Variants in TECR observed in about 807,000 individuals in gnomAD.
The protein encoded by TECR is trans-2,3-enoyl-CoA reductase.
Under a neutral mutation model 50.6 loss-of-function variants are expected in TECR, and 19 were observed. That is an observed-to-expected ratio of 0.38 (90% confidence interval 0.26 to 0.55). TECR has a LOEUF of 0.55. Ranked by LOEUF, TECR falls within the 20% of genes least tolerant of loss-of-function variation. The pLI is 0.79. For synonymous variants in TECR, 168 were observed against 163.5 expected, an observed-to-expected ratio of 1.03 and a Z score of -0.21; for missense variants, 313 against 408.3, an observed-to-expected ratio of 0.77 and a Z score of 2.01.
rs539503764 is a variant in TECR, at chr19:14,565,803, C to T, written c.859C>T (p.Arg287Cys). The T allele has an allele frequency of 5.0e-6, 8 of 1,604,046 alleles. No homozygotes were observed. Among genetic ancestry groups the T allele is most frequent in the South Asian group, 3.3e-5 (3 of 89,944 alleles). Residue 287 changes from arginine to cysteine, a missense_variant, in exon 13 of 13, where the codon CGC becomes TGC. Transcript: ENST00000215567. The stretch of plus-strand genomic sequence containing the variant: ...GACCATCTGGGCCAAGGGCAAGCAC[C>T]GCAGCTACCTGAAGGAGTTCCGGGA... ...QMTIWAKGKH[R>C]SYLKEFRDYP...
In TECR at chr19:14,563,606, C is replaced by G; in HGVS notation, c.119-52C>G. ...GCTGGCACAGTGGCTGGGCAGCGGACCGGCTGAGCCCTGCCAGGCTGTGGG... is the reference window on the plus strand; with the variant it reads ...GCTGGCACAGTGGCTGGGCAGCGGAGCGGCTGAGCCCTGCCAGGCTGTGGG... On this transcript the variant is annotated intron_variant, in intron 3 of 12. Transcript: ENST00000215567. The surrounding 1 kb of genome is among the most constrained non-coding windows in gnomAD (Gnocchi z 5.3). 6.2e-7 allele frequency: 1 copy of G among 1,608,432 alleles called. No homozygotes were observed. Among genetic ancestry groups the G allele is most frequent in the Non-Finnish European group, 8.5e-7 (1 of 1,178,732 alleles).
intron 1 of TECR, among the ~76,000 whole-genome samples, chr19:14,561,674 T>C (rs1294380913): frequency 6.6e-6 from 1 of 152,114 alleles, no homozygotes; most frequent in Non-Finnish European, 1.5e-5. Flanking sequence ...GGAGACCTCA[T>C]CAGCCCAAGC....
intron 1 of TECR, among the ~76,000 whole-genome samples, chr19:14,556,831 G>T (rs1397059189): frequency 6.6e-6 from 1 of 152,190 alleles, no homozygotes; most frequent in Non-Finnish European, 1.5e-5. Flanking sequence ...GCCACAAGGG[G>T]GCAGTGGGGA....
intron 1 of TECR, among the ~76,000 whole-genome samples, chr19:14,542,227 AG>A (rs2073117761): frequency 1.3e-5 from 2 of 152,012 alleles, no homozygotes; most frequent in African/African-American, 4.8e-5. Context: ...GACCTCCCAA[AG>A]TGCAGGGATT....
intron 1 of TECR, among the ~76,000 whole-genome samples, chr19:14,537,203 T>C (rs990737666): frequency 4.8e-5 from 2 of 41,350 alleles, no homozygotes; most frequent in African/African-American, 9.7e-5. Flanking sequence ...GGGGAGGAGG[T>C]GGGGCTCAGG....
intron 1 of TECR, among the ~76,000 whole-genome samples, chr19:14,544,475 G>C (rs2073233799): frequency 2.0e-5 from 3 of 152,102 alleles, no homozygotes. Flanking sequence ...GGACGAGGAT[G>C]CTTGCATGAT....
Position 14,565,130 on chromosome 19 carries a change from G to A in TECR, c.664+7G>A, listed in dbSNP as rs1599507122. Reference sequence around the variant, plus strand: ...CGGGACCTGCGGCCCGCTGGTGAGTGCCTGCTGGGGGCAGGGGGACAGCTG... The same window carrying A: ...CGGGACCTGCGGCCCGCTGGTGAGTACCTGCTGGGGGCAGGGGGACAGCTG... On this transcript the variant is annotated splice_region_variant and intron_variant, in intron 10 of 12. Transcript: ENST00000215567. 6.2e-7 allele frequency: 1 copy of A among 1,613,802 alleles called. No homozygotes were observed. The highest frequency in any genetic ancestry group is 1.6e-4 in the Middle Eastern group (1 of 6,062).
intron 1 of TECR, among the ~76,000 whole-genome samples, chr19:14,538,537 T>C (rs886593275): frequency 1.2e-4 from 1 of 8,172 alleles, no homozygotes; most frequent in Non-Finnish European, 4.0e-4. Flanking sequence ...CTTTTTTTTC[T>C]TTTTTTTTTT....
rs768392033 is a variant in TECR, at chr19:14,529,622, C to T, written c.-75C>T. 8 of 1,610,492 alleles carry T rather than the reference C, an allele frequency of 5.0e-6. No homozygotes were observed. The highest frequency in any genetic ancestry group is 6.8e-6 in the Non-Finnish European group (8 of 1,177,256). On this transcript the variant is annotated 5_prime_UTR_variant, in exon 1 of 13. Transcript: ENST00000215567. ...TAGTCTATCGCTGCGGTTGCGAGCG[C>T]TGTAGGGAGCCTGTGCTGTGCCGCG...
intron 1 of TECR, among the ~76,000 whole-genome samples, chr19:14,548,241 G>A (rs12460232): frequency 1.3e-5 from 2 of 151,870 alleles, no homozygotes; most frequent in Admixed American, 6.6e-5. Context: ...GATTACAGGT[G>A]TGAGCCACTG....
chr19:14,559,049 C>G (rs1275647825), intron 1 of TECR, among the ~76,000 whole-genome samples: 1 of 152,254 alleles, frequency 6.6e-6, no homozygotes, highest in East Asian at 1.9e-4. Flanking sequence ...GCGGAGCCCT[C>G]GATGAGGTCT....
intron 1 of TECR, among the ~76,000 whole-genome samples, chr19:14,538,141 A>G (rs1242240121): frequency 6.6e-6 from 1 of 152,190 alleles, no homozygotes; most frequent in African/African-American, 2.4e-5. Context: ...GGAGAAACTG[A>G]GGCACAGAAA....
At chr19:14,565,470 C>T (rs1477146547) in intron 11 of TECR, 148 bp from the exon 12 acceptor site, 6 of 1,385,672 alleles carry the variant, frequency 4.3e-6, no homozygotes, top group Admixed American at 4.0e-5. Flanking sequence ...GCTGGGCTTC[C>T]GCCGTATACA....
intron 1 of TECR, chr19:14,545,822 T>C (rs2073287587): frequency 6.5e-6 from 1 of 153,014 alleles, no homozygotes; most frequent in East Asian, 1.9e-4. Context: ...GGGAAAGGGC[T>C]GTGTGGGTTC....
At chr19:14,560,341 C>T (rs1425034671) in intron 1 of TECR, among the ~76,000 whole-genome samples, 2 of 152,188 alleles carry the variant, frequency 1.3e-5, no homozygotes, top group South Asian at 2.1e-4. Context: ...TCCCTGTGGA[C>T]GCTAGGCTGC....
At chr19:14,557,997 C>T (rs1308084624) in intron 1 of TECR, among the ~76,000 whole-genome samples, 6 of 151,998 alleles carry the variant, frequency 3.9e-5, no homozygotes, top group South Asian at 2.1e-4. Context: ...CCTCGTGATT[C>T]GCCCGCCTCG....
chr19:14,565,686 G>GCGGGGCCCTGCCCCTC, intron 12 of TECR, 23 bp downstream of exon 12: 1 of 1,611,678 alleles, frequency 6.2e-7, no homozygotes, highest in Non-Finnish European at 8.5e-7. Context: ...CCCTCCCTCG[G>GCGGGGCCCTGCCCCTC]CGGGGCCCTG....
chr19:14,554,710 C>T (rs2073656776), intron 1 of TECR, among the ~76,000 whole-genome samples: 1 of 152,110 alleles, frequency 6.6e-6, no homozygotes. Flanking sequence ...ATCCCCACAC[C>T]CACTCCACTC....
rs147847192 is a variant in TECR at position 14,540,469 on chromosome 19, T to C, written c.15+10758T>C. ...GTGCAGTGGTGCGATCTTGGCTCTC[T>C]GCAACCTCTGCGTCTGGGATTCAAG... is the stretch of plus-strand genomic sequence containing the variant. On this transcript the variant is annotated intron_variant, in intron 1 of 12. Transcript: ENST00000215567. Among the ~76,000 whole-genome samples the C allele has an allele frequency of 3.3e-5, 5 of 151,540 alleles. No individual in the cohort carries two copies. The East Asian group carries it at 7.8e-4, about 24-fold the overall frequency.
Sources: allele counts gnomAD v4.1 joint callset (sites outside exome capture counted in the v4.1 genomes callset), GRCh38; gene constraint gnomAD v4.1.1; non-coding constraint Gnocchi (gnomAD v3.1); transcripts MANE v1.5; gene names NCBI Gene and HGNC (gene_info 2026-07-23, HGNC 2026-07-21).